SETBP1: variants seen among roughly 807,000 people sequenced by gnomAD.
SETBP1 encodes SET binding protein 1.
In SETBP1, 9 loss-of-function variants were observed where a neutral mutation model predicts 101.0. That is an observed-to-expected ratio of 0.09 (90% confidence interval 0.05 to 0.16). The LOEUF is 0.16. SETBP1 is among the 10% of genes least tolerant of loss of function. The pLI is 1.00. For synonymous variants in SETBP1, 818 were observed against 788.5 expected (o/e 1.04, Z -0.63); for missense variants, 1,858 against 2,033.8 (o/e 0.91, Z 1.66).
Position 44,914,946 on chromosome 18 carries a change from A to G in SETBP1, c.541-34935A>G, listed in dbSNP as rs142204706. ...TTTTAAAATCAACGCTTATTTTAAT[A>G]CTTTCACAGATCATAGACAAGCAGA... is the stretch of plus-strand genomic sequence containing the variant. On this transcript the variant is annotated intron_variant, in intron 3 of 5. Coordinates refer to ENST00000649279, the MANE Select transcript of SETBP1 (RefSeq NM_015559.3). Among the ~76,000 whole-genome samples, 696 of 152,184 alleles carry G rather than the reference A, an allele frequency of 4.6e-3. 4 individuals carry two copies. Among genetic ancestry groups the G allele is most frequent in the African/African-American group, 0.016 (663 of 41,524 alleles).
intron 3 of SETBP1, among the ~76,000 whole-genome samples, chr18:44,908,846 C>G (rs2070238879): frequency 6.6e-6 from 1 of 152,202 alleles, no homozygotes; most frequent in African/African-American, 2.4e-5. Flanking sequence ...AAATATAACT[C>G]TGCTTTAAAT....
chr18:44,901,663 A>C (rs1236138233), intron 3 of SETBP1, among the ~76,000 whole-genome samples: 3 of 152,136 alleles, frequency 2.0e-5, no homozygotes, highest in African/African-American at 7.2e-5. Context: ...CACCCCTAGA[A>C]TCCAACCTTT....
rs762753017 is a variant in SETBP1, at chr18:45,063,690, C to A, written c.4783C>A (p.Leu1595Ile). 6 of 1,607,466 alleles carry A rather than the reference C, an allele frequency of 3.7e-6. No individual in the cohort carries two copies. The South Asian group carries it at 6.7e-5, about 18-fold the overall frequency. Residue 1595 changes from leucine (L) to isoleucine (I), a missense_variant, in exon 6 of 6, where the codon CTT (leucine) becomes ATT (isoleucine). Coordinates refer to ENST00000649279, the MANE Select transcript of SETBP1 (RefSeq NM_015559.3). ...RKSRGSESEV[L>I]P Reference sequence around the variant, plus strand: ...GTCCCGAGGGAGTGAGAGCGAGGTCCTTCCCTAGGGCGGGTCTGGGCGTCT... The same window carrying A: ...GTCCCGAGGGAGTGAGAGCGAGGTCATTCCCTAGGGCGGGTCTGGGCGTCT...
chr18:44,713,417 T>C (rs1401310085), intron 2 of SETBP1, among the ~76,000 whole-genome samples: 1 of 152,168 alleles, frequency 6.6e-6, no homozygotes, highest in Non-Finnish European at 1.5e-5. Flanking sequence ...ATCCCTTTTA[T>C]AGCCTAGATA....
intron 3 of SETBP1, among the ~76,000 whole-genome samples, chr18:44,939,431 G>A (rs1176112013): frequency 6.6e-6 from 1 of 152,132 alleles, no homozygotes; most frequent in African/African-American, 2.4e-5. Flanking sequence ...TGTGTCCATG[G>A]TTTGTTCCTT....
intron 3 of SETBP1, among the ~76,000 whole-genome samples, chr18:44,876,409 A>G (rs1265158900): frequency 6.6e-6 from 1 of 152,192 alleles, no homozygotes; most frequent in African/African-American, 2.4e-5. Flanking sequence ...TGCCATTCCC[A>G]GCCTTGGCTG....
chr18:44,863,061 G>A (rs1231253742), intron 2 of SETBP1, among the ~76,000 whole-genome samples: 3 of 152,186 alleles, frequency 2.0e-5, no homozygotes, highest in African/African-American at 7.2e-5. Context: ...TCCTTGGAAA[G>A]AGTAGCAACC....
At chr18:45,061,795 G>C (rs1022502154) in intron 5 of SETBP1, among the ~76,000 whole-genome samples, 2 of 152,170 alleles carry the variant, frequency 1.3e-5, no homozygotes, top group Admixed American at 6.5e-5. Context: ...CTATTAGTAG[G>C]TACAAAAGTA....
intron 2 of SETBP1, among the ~76,000 whole-genome samples, chr18:44,857,341 G>A (rs977242880): frequency 6.6e-6 from 1 of 152,142 alleles, no homozygotes; most frequent in African/African-American, 2.4e-5. Context: ...GGTGTATGAA[G>A]CCTGATAATG....
intron 2 of SETBP1, among the ~76,000 whole-genome samples, chr18:44,729,204 A>G (rs1272911363): frequency 6.6e-6 from 1 of 152,178 alleles, no homozygotes; most frequent in Non-Finnish European, 1.5e-5. Flanking sequence ...GAGGTTGAAC[A>G]TTATCCCCAA....
At chr18:44,882,767 G>C (rs1283155520) in intron 3 of SETBP1, among the ~76,000 whole-genome samples, 2 of 152,012 alleles carry the variant, frequency 1.3e-5, no homozygotes, top group African/African-American at 2.4e-5. Context: ...AGCATGGCAG[G>C]GCTCATGCTA....
intron 3 of SETBP1, among the ~76,000 whole-genome samples, chr18:44,893,683 AG>A (rs2069824732): frequency 6.6e-6 from 1 of 152,138 alleles, no homozygotes; most frequent in African/African-American, 2.4e-5. Context: ...AATTCAATTT[AG>A]GGGGTCAATA....
chr18:44,806,822 C>G (rs2071752098), intron 2 of SETBP1, among the ~76,000 whole-genome samples: 1 of 151,480 alleles, frequency 6.6e-6, no homozygotes, highest in Admixed American at 6.6e-5. Context: ...CAGGCATGTG[C>G]CATTGCATCT....
At chr18:44,717,439 C>T (rs1274606554) in intron 2 of SETBP1, among the ~76,000 whole-genome samples, 3 of 152,234 alleles carry the variant, frequency 2.0e-5, no homozygotes, top group Non-Finnish European at 4.4e-5. Context: ...CTTGTCTCAA[C>T]AGATTTAGGA....
intron 4 of SETBP1, among the ~76,000 whole-genome samples, chr18:44,977,382 A>G (rs1426108922): frequency 6.6e-6 from 1 of 152,246 alleles, no homozygotes; most frequent in Non-Finnish European, 1.5e-5. Context: ...CCAATGTACA[A>G]TCAAGAAGGA....
intron 3 of SETBP1, among the ~76,000 whole-genome samples, chr18:44,901,744 C>T (rs1455107516): frequency 6.6e-6 from 1 of 152,176 alleles, no homozygotes; most frequent in East Asian, 1.9e-4. Flanking sequence ...TAGGGAAACA[C>T]TTGATACTGG....
rs1403497262 is a variant in SETBP1 at position 44,739,831 on chromosome 18, G to C, written c.486+37999G>C. 2.6e-5 allele frequency among the ~76,000 whole-genome samples: 4 copies of C among 152,238 alleles called. No individual in the cohort carries two copies. In the East Asian group the frequency reaches 7.7e-4, roughly 29 times the overall value. On this transcript the variant is annotated intron_variant, in intron 2 of 5. Coordinates refer to ENST00000649279, the MANE Select transcript of SETBP1 (RefSeq NM_015559.3). ...CCGAGTAGGAGTGATTATGGTTACT[G>C]TGTGAAGACTTGACTCTCAAGGAGT...
chr18:44,726,178 A>G (rs561851524), intron 2 of SETBP1, among the ~76,000 whole-genome samples: 2 of 152,284 alleles, frequency 1.3e-5, no homozygotes, highest in East Asian at 3.9e-4. Flanking sequence ...AACTTTAACA[A>G]CTAACTCATG....
chr18:44,692,207 A>G (rs1001667053), intron 1 of SETBP1, among the ~76,000 whole-genome samples: 1 of 152,228 alleles, frequency 6.6e-6, no homozygotes, highest in Non-Finnish European at 1.5e-5. Flanking sequence ...CTATGGGAGT[A>G]AATCAAATGT....
Sources: allele counts gnomAD v4.1 joint callset (sites outside exome capture counted in the v4.1 genomes callset), GRCh38; gene constraint gnomAD v4.1.1; transcripts MANE v1.5; gene names NCBI Gene and HGNC (gene_info 2026-07-23, HGNC 2026-07-21).